EPHB4: variants seen among roughly 807,000 people sequenced by gnomAD.
The protein encoded by EPHB4 is EPH receptor B4.
In EPHB4, 50 loss-of-function variants were observed where a neutral mutation model predicts 110.6. The ratio of observed to expected loss-of-function variants is 0.45; its 90% CI spans 0.36 to 0.57. EPHB4 has a LOEUF of 0.57. Ranked by LOEUF, EPHB4 falls within the 20% of genes least tolerant of loss-of-function variation. The pLI is 0.00. For missense variants in EPHB4, 1,128 were observed against 1,382.1 expected, an observed-to-expected ratio of 0.82 and a Z score of 2.91; for synonymous variants, 592 against 578.4, an observed-to-expected ratio of 1.02 and a Z score of -0.34.
chr7:100,819,757 G>A lies in EPHB4; in HGVS notation c.1097C>T (p.Pro366Leu), dbSNP rs1292758998. The change falls in exon 6 of 17, where the codon CCC (proline) becomes CTC (leucine). Residue 366 changes from proline to leucine, a missense_variant. Transcript: ENST00000358173. ...TYALRCRECR[P>L]GGSCAPCGGD... ...CCCGCAGGGCGCACAGGAGCCTCCG[G>A]GTCGGCACTCCCGGCAGCGGAGGGC... 6.2e-7 allele frequency: 1 copy of A among 1,604,110 alleles called. No homozygotes were observed. Among genetic ancestry groups the A allele is most frequent in the Non-Finnish European group, 8.5e-7 (1 of 1,175,720 alleles).
Position 100,807,540 on chromosome 7 carries a change from A to G in EPHB4, c.2159T>C (p.Met720Thr), listed in dbSNP as rs1480741158. 1 of 1,613,994 alleles carries G rather than the reference A, an allele frequency of 6.2e-7. No homozygotes were observed. The highest frequency in any genetic ancestry group is 1.7e-5 in the Admixed American group (1 of 59,984). Residue 720 changes from methionine (M) to threonine (T), a missense_variant, in exon 13 of 17, where the codon ATG (methionine) becomes ACG (threonine). By Grantham distance (81) the Met-to-Thr change is moderately conservative. Around this residue, in one of 3 missense-constraint regions of EPHB4, gnomAD observed 191 missense variants for 313.0 expected, o/e 0.61. Coordinates refer to ENST00000358173, the MANE Select transcript of EPHB4 (RefSeq NM_004444.5). ...CATGCCCGAGGCGATGCCCCGCAGC[A>G]TGCCCACGAGCTGGATGACTGTGAA... ...GQFTVIQLVG[M>T]LRGIASGMRY... is the part of the protein sequence containing the mutation.
intron 15 of EPHB4, 67 bp downstream of exon 15, chr7:100,805,434 C>G: frequency 1.9e-6 from 3 of 1,559,842 alleles, no homozygotes; most frequent in South Asian, 2.4e-5. Context: ...CACCAATGAA[C>G]GGACACTTCT....
intron 2 of EPHB4, 74 bp downstream of exon 2, chr7:100,824,129 A>G: frequency 6.3e-7 from 1 of 1,599,620 alleles, no homozygotes. Context: ...TGGCACACAG[A>G]AAGCAGGCGG....
At position 100,822,419 on chromosome 7, in the gene EPHB4, G is replaced by A. The variant is rs200580904; in HGVS notation, c.660C>T (p.Ala220=). 6.3e-6 allele frequency: 10 copies of A among 1,594,330 alleles called. No homozygotes were observed. Among genetic ancestry groups the A allele is most frequent in the South Asian group, 3.4e-5 (3 of 89,084 alleles). ...TVPRELVVPV[A]GSCVVDAVPA... The stretch of plus-strand genomic sequence containing the variant: ...GGACGGCATCCACCACGCAGCTACC[G>A]GCCACGGGCACAACCAGCTCCCGAG... Residue 220 remains alanine, a synonymous_variant, in exon 4 of 17, where the codon GCC becomes GCT. Coordinates refer to ENST00000358173, the MANE Select transcript of EPHB4 (RefSeq NM_004444.5). This position sits in a 1 kb window ranked among gnomAD's most constrained non-coding sequence, Gnocchi z 4.7.
At position 100,823,947 on chromosome 7, in the gene EPHB4, G is replaced by A. The variant is rs751666255; in HGVS notation, c.124-16C>T. 2 of 1,562,038 alleles carry A rather than the reference G, an allele frequency of 1.3e-6. No homozygotes were observed. Among genetic ancestry groups the A allele is most frequent in the Non-Finnish European group, 1.7e-6 (2 of 1,151,576 alleles). On this transcript the variant is annotated splice_polypyrimidine_tract_variant and intron_variant, in intron 2 of 16. Transcript: ENST00000358173. ...GTTCCTCCCACTGTGCAGAGAAGGA[G>A]GTCAGCAAGGGGGCTGGGGAGCCGC...
At chr7:100,814,202 C>T in intron 8 of EPHB4, 181 bp from the exon 9 acceptor site, 1 of 582,748 alleles carries the variant, frequency 1.7e-6, no homozygotes, top group Non-Finnish European at 2.9e-6. Flanking sequence ...AACTCTCCCC[C>T]AGGGGCCAGC....
chr7:100,804,864 C>T (rs886940106), intron 16 of EPHB4, among the ~76,000 whole-genome samples: 5 of 152,118 alleles, frequency 3.3e-5, no homozygotes, highest in African/African-American at 9.7e-5. Context: ...CCGTGAGAGC[C>T]GGGCCTGGAA....
In EPHB4 at chr7:100,813,974, C is replaced by G. The variant is rs1813007018; in HGVS notation, c.1636G>C (p.Val546Leu). ...ACCAGGACCAGGACCACACCCACGA[C>G]TGCCGTGCCCGCAATCAGGGCCAGC... is the stretch of plus-strand genomic sequence containing the variant. ...EQLALIAGTA[V>L]VGVVLVLVVI... Residue 546 changes from valine to leucine, a missense_variant, in exon 9 of 17, where the codon GTC becomes CTC. By Grantham distance (32) the Val-to-Leu change is conservative. Coordinates refer to ENST00000358173, the MANE Select transcript of EPHB4 (RefSeq NM_004444.5). The G allele has an allele frequency of 1.9e-6, 3 of 1,614,198 alleles. No individual in the cohort carries two copies. In the African/African-American group the frequency reaches 4.0e-5, roughly 22 times the overall value.
chr7:100,803,525 T>G lies in EPHB4; in HGVS notation c.2900A>C (p.His967Pro), dbSNP rs1812745776. Residue 967 changes from histidine (H) to proline (P), a missense_variant, in exon 17 of 17, where the codon CAC becomes CCC. Physicochemically the swap from His to Pro is moderately conservative, Grantham distance 77. Around this residue, in one of 3 missense-constraint regions of EPHB4, gnomAD observed 209 missense variants for 240.5 expected, o/e 0.87. Transcript: ENST00000358173. ...TCCCGGCTTGGCCTGGGACTTCATG[T>G]GCTGGACACTGGCCAAGATTTTCTT... ...HQKKILASVQ[H>P]MKSQAKPGTP... is the part of the protein sequence containing the mutation. 6.3e-7 allele frequency: 1 copy of G among 1,598,852 alleles called. No homozygotes were observed. The highest frequency in any genetic ancestry group is 1.1e-5 in the South Asian group (1 of 88,052).
chr7:100,819,954 G>T, intron 5 of EPHB4, 65 bp from the exon 6 acceptor site: 2 of 1,489,574 alleles, frequency 1.3e-6, no homozygotes, highest in South Asian at 1.3e-5. Flanking sequence ...GAGGGCAATG[G>T]AGGCACCAGC....
chr7:100,823,202 G>C (rs138041933), intron 3 of EPHB4, among the ~76,000 whole-genome samples: 19 of 152,294 alleles, frequency 1.2e-4, no homozygotes, highest in African/African-American at 3.6e-4. Flanking sequence ...CAGGATTGTA[G>C]GGAGGAGAGA....
At chr7:100,803,636 G>GC in intron 16 of EPHB4, 46 bp from the exon 17 acceptor site, 1 of 1,550,244 alleles carries the variant, frequency 6.5e-7, no homozygotes, top group Non-Finnish European at 8.8e-7. Context: ...GTTCCCTGTG[G>GC]CCGCTCTCCT....
At chr7:100,811,910 G>A (rs60291880) in intron 12 of EPHB4, among the ~76,000 whole-genome samples, 9,970 of 151,368 alleles carry the variant, frequency 0.066, 1,482 homozygotes, top group East Asian at 0.56. Flanking sequence ...GGTGGCTCAC[G>A]TCTGTAATCC....
At chr7:100,811,276 G>GT (rs1398227697) in intron 12 of EPHB4, among the ~76,000 whole-genome samples, 6 of 118,674 alleles carry the variant, frequency 5.1e-5, no homozygotes, top group Admixed American at 1.7e-4. Flanking sequence ...GCTTAATAAA[G>GT]TTAAAAAAAA....
intron 3 of EPHB4, among the ~76,000 whole-genome samples, 199 bp downstream of exon 3, chr7:100,823,445 C>T (rs115339305): frequency 1.3e-5 from 2 of 152,186 alleles, no homozygotes; most frequent in African/African-American, 4.8e-5. Context: ...CCCTGGGGGC[C>T]GGGCCAGGCA....
Position 100,812,737 on chromosome 7 carries a change from G to T in EPHB4, c.2118+10C>A. On this transcript the variant is annotated intron_variant, in intron 12 of 16. Coordinates refer to ENST00000358173, the MANE Select transcript of EPHB4 (RefSeq NM_004444.5). Reference sequence around the variant, plus strand: ...TCCGGGTGGCCGCAGAAGCCAGGGAGGGTGCTCACCCGCAGGAAGGAGTCC... The same window carrying T: ...TCCGGGTGGCCGCAGAAGCCAGGGATGGTGCTCACCCGCAGGAAGGAGTCC... 1 of 1,609,596 alleles carries T rather than the reference G, an allele frequency of 6.2e-7. No homozygotes were observed.
rs867015273 is a variant in EPHB4 at position 100,822,295 on chromosome 7, C to A, written c.784G>T (p.Ala262Ser). 6.4e-7 allele frequency: 1 copy of A among 1,564,376 alleles called. No homozygotes were observed. The highest frequency in any genetic ancestry group is 8.7e-7 in the Non-Finnish European group (1 of 1,153,252). Residue 262 changes from alanine (A) to serine (S), a missense_variant, in exon 4 of 17, where the codon GCT (alanine) becomes TCT (serine). Coordinates refer to ENST00000358173, the MANE Select transcript of EPHB4 (RefSeq NM_004444.5). This position sits in a 1 kb window ranked among gnomAD's most constrained non-coding sequence, Gnocchi z 4.7. ...GCSCAPGFEA[A>S]EGNTKCRACA... ...CCTCGGCACTTGGTGTTCCCCTCAG[C>A]TGCCTCGAACCCCGGAGCACAGCTG...
rs575232072 is a variant in EPHB4, at chr7:100,803,664, G to A, written c.2835-74C>T. On this transcript the variant is annotated intron_variant, in intron 16 of 16. Transcript: ENST00000358173. ...GCTCTCCTCTCTTGGCTCCTGAGACGGTCCTAGCCTCAGGATTGTAAGCCA... is the reference window on the plus strand; with the variant it reads ...GCTCTCCTCTCTTGGCTCCTGAGACAGTCCTAGCCTCAGGATTGTAAGCCA... 1,488 of 1,472,126 alleles carry A rather than the reference G, an allele frequency of 1.0e-3. 1 individual carries two copies. Among genetic ancestry groups the A allele is most frequent in the Non-Finnish European group, 1.3e-3 (1,392 of 1,098,152 alleles). The allele number at this position is 1,472,126 out of a possible 1,614,324, so 91.2% of individuals were successfully genotyped here. A position where few individuals can be genotyped will look rare whatever the true frequency, so the allele number is the denominator to read the frequency against.
intron 8 of EPHB4, among the ~76,000 whole-genome samples, chr7:100,814,488 G>A (rs1163853055): frequency 6.6e-6 from 1 of 152,162 alleles, no homozygotes; most frequent in Non-Finnish European, 1.5e-5. Flanking sequence ...AGGTTGGACA[G>A]GCTAGTCTCA....
Sources: gnomAD v4.1 joint callset for allele counts (sites outside exome capture counted in the v4.1 genomes callset) on GRCh38, gnomAD v4.1.1 for gene constraint, gnomAD v4.1.1 regional missense constraint, Gnocchi (gnomAD v3.1) non-coding constraint, MANE v1.5 for transcripts, NCBI Gene and HGNC (gene_info 2026-07-23, HGNC 2026-07-21) for gene names.